Variants in PALB2 observed in about 807,000 individuals in gnomAD.
PALB2 encodes the protein partner and localizer of BRCA2.
In PALB2, 82 loss-of-function variants were observed where a neutral mutation model predicts 107.4. The observed-to-expected ratio is 0.76, with a 90% CI of 0.64 to 0.92. The LOEUF (loss-of-function observed/expected upper bound fraction) is 0.92, where lower values mean the gene tolerates loss of function less well. Ranked by LOEUF, PALB2 falls within the 40% of genes least tolerant of loss-of-function variation. The pLI is 0.00. For synonymous variants in PALB2, 489 were observed against 496.8 expected (o/e 0.98, Z 0.21); for missense variants, 1,374 against 1,379.9 (o/e 1.00, Z 0.07).
At position 23,641,104 on chromosome 16, in the gene PALB2, C is replaced by T. The variant is rs1555462487; in HGVS notation, c.48+6G>A. The T allele has an allele frequency of 6.2e-7, 1 of 1,613,242 alleles. No homozygotes were observed. Among genetic ancestry groups the T allele is most frequent in the Non-Finnish European group, 8.5e-7 (1 of 1,179,732 alleles). On this transcript the variant is annotated splice_donor_region_variant and intron_variant, in intron 1 of 12. Coordinates refer to ENST00000261584, the MANE Select transcript of PALB2 (RefSeq NM_024675.4). ...CCTGCGTCCGCCCTTCCCGCACCCCCGGCACCTTTTCCTTCTCCTCACAGC... is the reference window on the plus strand; with the variant it reads ...CCTGCGTCCGCCCTTCCCGCACCCCTGGCACCTTTTCCTTCTCCTCACAGC...
Position 23,630,074 on chromosome 16 carries a change from T to C in PALB2, c.2080A>G (p.Thr694Ala), listed in dbSNP as rs1567218150. 6.2e-7 allele frequency: 1 copy of C among 1,614,218 alleles called. No individual in the cohort carries two copies. Among genetic ancestry groups the C allele is most frequent in the South Asian group, 1.1e-5 (1 of 91,086 alleles). ...PKRPNSQSQH[T>A]KTGLSSSILL... Reference sequence around the variant, plus strand: ...ATGGATGAAGAAAGGCCCGTCTTTGTATGCTGGCTTTGCGAGTTTGGCCTT... The same window carrying C: ...ATGGATGAAGAAAGGCCCGTCTTTGCATGCTGGCTTTGCGAGTTTGGCCTT... The change falls in exon 5 of 13, where the codon ACA (threonine) becomes GCA (alanine). Residue 694 changes from threonine (T) to alanine (A), a missense_variant. Physicochemically the swap from Thr to Ala is moderately conservative, Grantham distance 58 (BLOSUM62 0). Transcript: ENST00000261584.
intron 10 of PALB2, among the ~76,000 whole-genome samples, chr16:23,618,238 G>A (rs898542121): frequency 6.6e-6 from 1 of 152,196 alleles, no homozygotes; most frequent in Non-Finnish European, 1.5e-5. Flanking sequence ...GTTTGAGGTT[G>A]CAGTGAGCTA....
rs1555462488 is a variant in PALB2, at chr16:23,641,105, G to A, written c.48+5C>T. On this transcript the variant is annotated splice_donor_5th_base_variant and intron_variant, in intron 1 of 12. Coordinates refer to ENST00000261584, the MANE Select transcript of PALB2 (RefSeq NM_024675.4). ...CTGCGTCCGCCCTTCCCGCACCCCC[G>A]GCACCTTTTCCTTCTCCTCACAGCT... is the stretch of plus-strand genomic sequence containing the variant. The A allele has an allele frequency of 1.2e-6, 2 of 1,613,248 alleles. No individual in the cohort carries two copies. Among genetic ancestry groups the A allele is most frequent in the African/African-American group, 1.3e-5 (1 of 75,030 alleles).
chr16:23,604,627 G>T (rs1488958592), intron 12 of PALB2, among the ~76,000 whole-genome samples: 1 of 151,896 alleles, frequency 6.6e-6, no homozygotes, highest in South Asian at 2.1e-4. Context: ...TTAGCCAGGC[G>T]TGGTGGCACA....
chr16:23,615,472 T>C (rs1597074789), intron 10 of PALB2, among the ~76,000 whole-genome samples: 1 of 151,854 alleles, frequency 6.6e-6, no homozygotes, highest in South Asian at 2.1e-4. Flanking sequence ...GCCTGAATAA[T>C]TTTTTAATTT....
chr16:23,611,762 A>G (rs1399036380), intron 11 of PALB2, among the ~76,000 whole-genome samples: 5 of 152,066 alleles, frequency 3.3e-5, no homozygotes, highest in Admixed American at 3.3e-4. Flanking sequence ...CTGGACTATT[A>G]GTTATTTTTG....
At chr16:23,626,465 C>T (rs2142357561) in intron 6 of PALB2, 68 bp from the exon 7 acceptor site, 1 of 1,549,902 alleles carries the variant, frequency 6.5e-7, no homozygotes, top group Non-Finnish European at 8.9e-7. Flanking sequence ...CATAAGTATG[C>T]AAAGTGATGA....
intron 7 of PALB2, among the ~76,000 whole-genome samples, chr16:23,625,970 G>C (rs1966841834): frequency 6.6e-6 from 1 of 151,892 alleles, no homozygotes; most frequent in Non-Finnish European, 1.5e-5. Flanking sequence ...GACAGAGTGA[G>C]ACCCTGTCTC....
Position 23,635,198 on chromosome 16 carries a change from T to G in PALB2, c.1348A>C (p.Asn450His), listed in dbSNP as rs62625274. Reference protein sequence around the residue: ...FKNKNKDASKNLNLSNEETDQ... With the variant: ...FKNKNKDASKHLNLSNEETDQ... ...GTTTCCTCATTGGAAAGGTTTAAATTTTTACTTGCATCCTTATTTTTATTT... is the reference window on the plus strand; with the variant it reads ...GTTTCCTCATTGGAAAGGTTTAAATGTTTACTTGCATCCTTATTTTTATTT... The change falls in exon 4 of 13, where the codon AAT becomes CAT. Residue 450 changes from asparagine to histidine, a missense_variant. By Grantham distance (68) the Asn-to-His change is moderately conservative (BLOSUM62 1). Transcript: ENST00000261584. The G allele has an allele frequency of 9.3e-6, 15 of 1,614,048 alleles. No homozygotes were observed. Among genetic ancestry groups the G allele is most frequent in the Non-Finnish European group, 1.3e-5 (15 of 1,180,032 alleles).
intron 11 of PALB2, among the ~76,000 whole-genome samples, chr16:23,612,615 C>A (rs1966607709): frequency 6.6e-6 from 1 of 151,386 alleles, no homozygotes; most frequent in Non-Finnish European, 1.5e-5. Flanking sequence ...CAGCCTCGAC[C>A]TCCTGGGCTC....
intron 12 of PALB2, among the ~76,000 whole-genome samples, chr16:23,606,772 C>T (rs549822303): frequency 3.3e-5 from 5 of 151,698 alleles, no homozygotes; most frequent in African/African-American, 9.7e-5. Flanking sequence ...ATCCGCCTGC[C>T]TCGGCCTCCC....
At chr16:23,609,807 C>T (rs764004365) in intron 11 of PALB2, among the ~76,000 whole-genome samples, 20 of 152,082 alleles carry the variant, frequency 1.3e-4, no homozygotes, top group Non-Finnish European at 1.8e-4. Context: ...TGAGCCACCG[C>T]GCCTGGCCAC....
chr16:23,615,493 C>T (rs2142306319), intron 10 of PALB2, among the ~76,000 whole-genome samples: 1 of 151,780 alleles, frequency 6.6e-6, no homozygotes. Context: ...TTTGTAGAGA[C>T]AGGGTTTCAC....
chr16:23,607,834 A>C lies in PALB2; in HGVS notation c.3350+30T>G, dbSNP rs758296446. ...TGCACAGTGCCTTTCAGAATGTCCC[A>C]CCCATAGAGTAGCAGTTATGCACAC... On this transcript the variant is annotated intron_variant, in intron 12 of 12. Transcript: ENST00000261584. The C allele has an allele frequency of 1.9e-6, 3 of 1,613,008 alleles. No homozygotes were observed. In the East Asian group the frequency reaches 6.7e-5, roughly 36 times the overall value.
chr16:23,609,217 A>T lies in PALB2; in HGVS notation c.3202-1205T>A, dbSNP rs376828477. Among the ~76,000 whole-genome samples the T allele has an allele frequency of 1.2e-4, 19 of 152,340 alleles. No individual in the cohort carries two copies. In the South Asian group the frequency reaches 3.3e-3, roughly 27 times the overall value. On this transcript the variant is annotated intron_variant, in intron 11 of 12. Transcript: ENST00000261584. ...GAGGCCGAGGCAGTAGGATAGCTTG[A>T]GACAAGCCTGGGAAACACAGCTGAA...
chr16:23,626,430 C>A (rs1966842984), intron 6 of PALB2, 33 bp from the exon 7 acceptor site: 2 of 1,613,106 alleles, frequency 1.2e-6, no homozygotes, highest in Non-Finnish European at 1.7e-6. Context: ...GTTAAAGTGG[C>A]ACTCGAGTGC....
intron 7 of PALB2, 23 bp downstream of exon 7, chr16:23,626,213 T>C: frequency 6.2e-7 from 1 of 1,614,126 alleles, no homozygotes; most frequent in East Asian, 2.2e-5. Flanking sequence ...AAAGATCTCT[T>C]TCAGCTCGAG....
intron 1 of PALB2, among the ~76,000 whole-genome samples, chr16:23,639,366 CTACTAAAGA>C (rs893169565): frequency 2.0e-5 from 3 of 151,952 alleles, no homozygotes; most frequent in Admixed American, 6.6e-5. Context: ...AATCCTGCTT[CTACTAAAGA>C]TACAAAAATG....
In PALB2 at chr16:23,630,196, C is replaced by T. The variant is rs771246748; in HGVS notation, c.1958G>A (p.Cys653Tyr). 34 of 1,614,016 alleles carry T rather than the reference C, an allele frequency of 2.1e-5. No homozygotes were observed. The South Asian group carries it at 3.2e-4, about 15-fold the overall frequency. ...AGGACTCAGTTCCTCTGGAAAAATA[C>T]AGCTTCCCTCTTTAAGATGTCTCTC... ...FGERHLKEGS[C>Y]IFPEELSPKR... is the part of the protein sequence containing the mutation. Residue 653 changes from cysteine to tyrosine, a missense_variant, in exon 5 of 13, where the codon TGT becomes TAT. Physicochemically the swap from Cys to Tyr is radical, Grantham distance 194 (BLOSUM62 -2). Transcript: ENST00000261584.
Sources: allele counts gnomAD v4.1 joint callset (sites outside exome capture counted in the v4.1 genomes callset), GRCh38; gene constraint gnomAD v4.1.1; transcripts MANE v1.5; gene names NCBI Gene and HGNC (gene_info 2026-07-23, HGNC 2026-07-21).